UNC80: variants seen among roughly 807,000 people sequenced by gnomAD.
UNC80 encodes the protein unc-80 subunit of NALCN channel complex.
In UNC80, 164 loss-of-function variants were observed where a neutral mutation model predicts 384.6. That is an observed-to-expected ratio of 0.43 (90% CI 0.38 to 0.49). The LOEUF (loss-of-function observed/expected upper bound fraction) is 0.49. Ranked by LOEUF, UNC80 falls within the 20% of genes least tolerant of loss-of-function variation. The pLI is 0.00. For missense variants in UNC80, 3,330 were observed against 4,143.0 expected, an observed-to-expected ratio of 0.80 and a Z score of 5.39; for synonymous variants, 1,486 against 1,527.8, an observed-to-expected ratio of 0.97 and a Z score of 0.64.
intron 52 of UNC80, chr2:209,967,939 A>T (rs1361862365): frequency 5.0e-6 from 1 of 201,220 alleles, no homozygotes; most frequent in Non-Finnish European, 1.0e-5. Flanking sequence ...CCCTTTTAAA[A>T]TAAGGGAGGG....
intron 7 of UNC80, among the ~76,000 whole-genome samples, chr2:209,808,141 A>G (rs1341852230): frequency 1.3e-5 from 2 of 152,224 alleles, no homozygotes; most frequent in Non-Finnish European, 2.9e-5. Flanking sequence ...TCAACTGTAC[A>G]GTTGGTAATT....
chr2:209,825,633 A>G (rs1397896123), intron 13 of UNC80, among the ~76,000 whole-genome samples: 6 of 152,182 alleles, frequency 3.9e-5, no homozygotes, highest in Non-Finnish European at 7.4e-5. Context: ...GCAGTCAAGG[A>G]TATAAAAGCA....
At chr2:209,977,140 A>G (rs1559427715) in intron 58 of UNC80, 62 bp downstream of exon 58, 11 of 1,416,402 alleles carry the variant, frequency 7.8e-6, no homozygotes, top group Non-Finnish European at 1.0e-5. Context: ...CCTACAAAGA[A>G]TCCCTCTGTC....
chr2:209,954,499 C>T (rs1321277535), intron 48 of UNC80: 1 of 339,714 alleles, frequency 2.9e-6, no homozygotes, highest in Non-Finnish European at 5.2e-6. Flanking sequence ...TAATAATATT[C>T]TTACTATCAT....
intron 21 of UNC80, among the ~76,000 whole-genome samples, chr2:209,847,128 T>C (rs1414717558): frequency 1.3e-5 from 2 of 152,004 alleles, no homozygotes; most frequent in Non-Finnish European, 2.9e-5. Flanking sequence ...GTCCATTGTA[T>C]AAACAGATTG....
At position 209,934,006 on chromosome 2, in the gene UNC80, GTAAGCCAC is replaced by G; in HGVS notation, c.6178+4_6178+11del. On this transcript the variant is annotated splice_donor_variant and splice_donor_5th_base_variant and intron_variant, in intron 39 of 64. Coordinates refer to ENST00000673920, the MANE Select transcript of UNC80 (RefSeq NM_001371986.1). LOFTEE classifies it high-confidence loss of function. ...CTCCTGGTGACCGCTTCAATGCCAG[GTAAGCCAC>G]TACTACTTTTTAGTAACATAACTTT... is the stretch of plus-strand genomic sequence containing the variant. The G allele has an allele frequency of 1.3e-6, 2 of 1,535,016 alleles. No individual in the cohort carries two copies. Among genetic ancestry groups the G allele is most frequent in the African/African-American group, 2.8e-5 (2 of 72,392 alleles).
chr2:209,777,375 C>T lies in UNC80; in HGVS notation c.416C>T (p.Ser139Phe), dbSNP rs1237674284. The T allele has an allele frequency of 1.2e-6, 2 of 1,614,170 alleles. No individual in the cohort carries two copies. Among genetic ancestry groups the T allele is most frequent in the Non-Finnish European group, 8.5e-7 (1 of 1,180,034 alleles). Residue 139 changes from serine (S) to phenylalanine (F), a missense_variant, in exon 4 of 65, where the codon TCC (serine) becomes TTC (phenylalanine). This residue lies in a region of UNC80 where 937 missense variants were observed against 1,026.8 expected (regional missense o/e 0.91). Transcript: ENST00000673920. ...NERFGGTDRG[S>F]SWGGSSSAFI... is the part of the protein sequence containing the mutation. Reference sequence around the variant, plus strand: ...CGGTTTGGGGGTACAGACCGAGGCTCCAGCTGGGGTGGAAGCAGCAGTGCT... The same window carrying T: ...CGGTTTGGGGGTACAGACCGAGGCTTCAGCTGGGGTGGAAGCAGCAGTGCT...
intron 61 of UNC80, among the ~76,000 whole-genome samples, chr2:209,989,332 A>G (rs2093350867): frequency 6.6e-6 from 1 of 152,010 alleles, no homozygotes; most frequent in Non-Finnish European, 1.5e-5. Flanking sequence ...CTCAAAAAAA[A>G]AAAAAAATTA....
At chr2:209,965,686 G>C (rs915703381) in intron 51 of UNC80, among the ~76,000 whole-genome samples, 2 of 152,082 alleles carry the variant, frequency 1.3e-5, no homozygotes, top group Non-Finnish European at 2.9e-5. Flanking sequence ...CTCCCAAAGT[G>C]CTGGGATTAC....
intron 25 of UNC80, among the ~76,000 whole-genome samples, chr2:209,887,434 T>C (rs555043709): frequency 2.6e-5 from 4 of 152,186 alleles, no homozygotes; most frequent in African/African-American, 9.7e-5. Context: ...TCTCCACTTT[T>C]AAGGATTTGT....
chr2:209,866,170 AT>A (rs1164960980), intron 22 of UNC80, among the ~76,000 whole-genome samples: 1 of 152,046 alleles, frequency 6.6e-6, no homozygotes, highest in Non-Finnish European at 1.5e-5. Context: ...TGTCGTTCAC[AT>A]TTTCTTTAAT....
At chr2:209,909,118 C>T (rs747097100) in intron 29 of UNC80, among the ~76,000 whole-genome samples, 6 of 152,146 alleles carry the variant, frequency 3.9e-5, no homozygotes, top group Non-Finnish European at 5.9e-5. Context: ...ACTTGTTTGT[C>T]ATCTGTCTTT....
intron 7 of UNC80, among the ~76,000 whole-genome samples, chr2:209,802,143 C>G (rs1277984042): frequency 1.3e-5 from 2 of 151,850 alleles, no homozygotes; most frequent in Non-Finnish European, 2.9e-5. Context: ...TTATCAGAAG[C>G]TGGGAGAGGG....
At chr2:209,970,043 A>G in intron 53 of UNC80, 152 bp downstream of exon 53, 1 of 1,001,144 alleles carries the variant, frequency 1.0e-6, no homozygotes, top group East Asian at 2.7e-5. Context: ...AGTGAGGTAC[A>G]TTTCAAGGTG....
rs1028387046 is a variant in UNC80, at chr2:209,930,994, A to G, written c.5934A>G (p.Lys1978=). Residue 1978 remains lysine (K), a synonymous_variant, in exon 38 of 65, where the codon AAA becomes AAG. Transcript: ENST00000673920. The stretch of plus-strand genomic sequence containing the variant: ...ATGAGTTAATGTACATGCTGCGCAA[A>G]CTTCTCTTGAATATTGGAGACTTTC... ...RQDELMYMLR[K]LLLNIGDFPA... 6 of 1,550,260 alleles carry G rather than the reference A, an allele frequency of 3.9e-6. No homozygotes were observed. The African/African-American group carries it at 8.2e-5, about 21-fold the overall frequency.
In UNC80 at chr2:209,977,012, A is replaced by T; in HGVS notation, c.8872A>T (p.Ser2958Cys). 6.5e-7 allele frequency: 1 copy of T among 1,539,304 alleles called. No individual in the cohort carries two copies. Among genetic ancestry groups the T allele is most frequent in the Non-Finnish European group, 8.8e-7 (1 of 1,136,654 alleles). The stretch of plus-strand genomic sequence containing the variant: ...CTTCATACCACGCCCTTTGTGTAAG[A>T]GCTCGCTCATTGCTGAGTTCAACAG... The part of the protein sequence containing the change: ...RRFIPRPLCK[S>C]SLIAEFNSEL... Residue 2958 changes from serine to cysteine, a missense_variant, in exon 58 of 65, where the codon AGC (serine) becomes TGC (cysteine). By Grantham distance (112) the Ser-to-Cys change is moderately radical (BLOSUM62 -1). This residue lies in a region of UNC80 where 216 missense variants were observed against 245.3 expected (regional missense o/e 0.88). Coordinates refer to ENST00000673920, the MANE Select transcript of UNC80 (RefSeq NM_001371986.1).
chr2:209,836,429 A>G (rs910715231), intron 18 of UNC80, among the ~76,000 whole-genome samples: 7 of 152,212 alleles, frequency 4.6e-5, no homozygotes, highest in African/African-American at 1.7e-4. Flanking sequence ...AATTGGACTT[A>G]AAAAATAAAG....
At chr2:209,915,870 G>A (rs775031501) in intron 31 of UNC80, among the ~76,000 whole-genome samples, 1 of 152,102 alleles carries the variant, frequency 6.6e-6, no homozygotes, top group South Asian at 2.1e-4. Context: ...ATAGCTAGAA[G>A]ACAGGACTTG....
At chr2:209,840,910 T>C (rs2081692122) in intron 20 of UNC80, among the ~76,000 whole-genome samples, 1 of 152,210 alleles carries the variant, frequency 6.6e-6, no homozygotes, top group Admixed American at 6.5e-5. Flanking sequence ...ATAGACATTA[T>C]TTCCCAGCTA....
Sources: allele counts gnomAD v4.1 joint callset (sites outside exome capture counted in the v4.1 genomes callset), GRCh38; gene constraint gnomAD v4.1.1; regional missense constraint gnomAD v4.1.1; transcripts MANE v1.5; gene names NCBI Gene and HGNC (gene_info 2026-07-23, HGNC 2026-07-21).